Variants in PPIP5K1 observed in about 807,000 individuals in gnomAD.
PPIP5K1 encodes the protein diphosphoinositol pentakisphosphate kinase 1.
Under a neutral mutation model 27.7 loss-of-function variants are expected in PPIP5K1, and 6 were observed. The observed-to-expected ratio is 0.22, with a 90% CI of 0.12 to 0.43. The LOEUF (loss-of-function observed/expected upper bound fraction) is 0.43, where lower values mean the gene tolerates loss of function less well. Ranked by LOEUF, PPIP5K1 falls within the 20% of genes least tolerant of loss-of-function variation. PPIP5K1 has a pLI of 1.00. For synonymous variants in PPIP5K1, 145 were observed against 242.6 expected, an observed-to-expected ratio of 0.60 and a Z score of 3.74; for missense variants, 394 against 635.4, an observed-to-expected ratio of 0.62 and a Z score of 4.08.
chr15:43,539,334 T>C (rs1009490167), intron 31 of PPIP5K1, 136 bp downstream of exon 31: 1 of 686,596 alleles, frequency 1.5e-6, no homozygotes, highest in African/African-American at 1.8e-5. Flanking sequence ...AAATGGCAGA[T>C]GAGACTGCTT....
intron 29 of PPIP5K1, among the ~76,000 whole-genome samples, chr15:43,559,248 T>G (rs2083461202): frequency 6.6e-6 from 1 of 152,194 alleles, no homozygotes; most frequent in African/African-American, 2.4e-5. Context: ...CCAACGTTGT[T>G]CTCACACTTT....
chr15:43,543,870 A>G (rs571503732), intron 30 of PPIP5K1, among the ~76,000 whole-genome samples: 1 of 151,754 alleles, frequency 6.6e-6, no homozygotes, highest in Non-Finnish European at 1.5e-5. Flanking sequence ...CAATATCACT[A>G]TTAACAATTA....
chr15:43,541,445 G>T (rs192945629), intron 30 of PPIP5K1, among the ~76,000 whole-genome samples: 1 of 152,038 alleles, frequency 6.6e-6, no homozygotes. Context: ...GGTCAGGCAC[G>T]GTGGCTCATG....
intron 31 of PPIP5K1, among the ~76,000 whole-genome samples, chr15:43,539,240 T>G (rs2080344135): frequency 6.6e-6 from 1 of 151,948 alleles, no homozygotes; most frequent in Non-Finnish European, 1.5e-5. Flanking sequence ...CAGAAAACCT[T>G]CTCTCCAATG....
intron 30 of PPIP5K1, among the ~76,000 whole-genome samples, chr15:43,554,774 ATT>A (rs941693703): frequency 6.6e-6 from 1 of 152,082 alleles, no homozygotes; most frequent in African/African-American, 2.4e-5. Flanking sequence ...TAGACTTTTC[ATT>A]TGTTTATAAT....
chr15:43,559,216 C>T, intron 29 of PPIP5K1, among the ~76,000 whole-genome samples: 1 of 152,152 alleles, frequency 6.6e-6, no homozygotes, highest in Admixed American at 6.5e-5. Flanking sequence ...GAAAAATAAA[C>T]AGAATCCCAG....
Position 43,540,344 on chromosome 15 carries a change from A to G in PPIP5K1, c.3557-761T>C, listed in dbSNP as rs112038626. On this transcript the variant is annotated intron_variant, in intron 30 of 31. Transcript: ENST00000420765. ...TTTGGGAGGCCAAGGTGGGTGGATC[A>G]CTTGAGGCCAGAAGCTCAAGACAAG... 6.5e-3 allele frequency among the ~76,000 whole-genome samples: 982 copies of G among 152,070 alleles called. 9 individuals carry two copies. The highest frequency in any genetic ancestry group is 0.022 in the African/African-American group (932 of 41,472).
At chr15:43,538,523 C>A (rs897562154) in intron 31 of PPIP5K1, among the ~76,000 whole-genome samples, 13 of 152,198 alleles carry the variant, frequency 8.5e-5, no homozygotes, top group Non-Finnish European at 2.9e-5. Context: ...CTGCTCCCAG[C>A]CTTTTTTGTT....
In PPIP5K1 at chr15:43,534,600, C is replaced by A. The variant is rs528530849; in HGVS notation, c.*74G>T. On this transcript the variant is annotated 3_prime_UTR_variant, in exon 32 of 32. Coordinates refer to ENST00000420765, the MANE Select transcript of PPIP5K1 (RefSeq NM_001394395.1). ...AGACTGGCTCTGAGGGTTTGGATCA[C>A]CAGATGGATGCTGGGCTTGAGGAAT... 127 of 1,356,472 alleles carry A rather than the reference C, an allele frequency of 9.4e-5. No individual in the cohort carries two copies. In the East Asian group the frequency reaches 2.9e-3, roughly 32 times the overall value. 84.0% of individuals were successfully genotyped at this position (1,356,472 alleles called of 1,614,324 possible).
rs1166181200 is a variant in PPIP5K1, at chr15:43,534,710, A to C, written c.4437T>G (p.Asp1479Glu). The stretch of plus-strand genomic sequence containing the variant: ...CCTCAGGGACCTCCTGGGCCTGCAG[A>C]TCAATCTCCTCAGGGAACTCTTGGG... Reference protein sequence around the residue: ...KPSQEFPEEIDLQAQEVPEEI... With the variant: ...KPSQEFPEEIELQAQEVPEEI... The change falls in exon 32 of 32, where the codon GAT becomes GAG. Residue 1479 changes from aspartate to glutamate, a missense_variant. Physicochemically the swap from Asp to Glu is conservative, Grantham distance 45. Around this residue, in one of 4 missense-constraint regions of PPIP5K1, gnomAD observed 379 missense variants for 423.9 expected, o/e 0.89. Coordinates refer to ENST00000420765, the MANE Select transcript of PPIP5K1 (RefSeq NM_001394395.1). The C allele has an allele frequency of 1.1e-5, 17 of 1,523,992 alleles. No individual in the cohort carries two copies. The highest frequency in any genetic ancestry group is 1.5e-5 in the Non-Finnish European group (17 of 1,139,784). 94.4% of individuals were successfully genotyped at this position (1,523,992 alleles called of 1,614,324 possible).
rs767730604 is a variant in PPIP5K1, at chr15:43,536,138, G to T, written c.3671-662C>A. ...AATAGGAAAGAAAATGGTTTACCTGGCTGGGTGCGGTGGCTCACGCCTGTA... is the reference window on the plus strand; with the variant it reads ...AATAGGAAAGAAAATGGTTTACCTGTCTGGGTGCGGTGGCTCACGCCTGTA... On this transcript the variant is annotated intron_variant, in intron 31 of 31. Transcript: ENST00000420765. 4 of 1,284,074 alleles carry T rather than the reference G, an allele frequency of 3.1e-6. No homozygotes were observed. In the South Asian group the frequency reaches 3.7e-5, roughly 12 times the overall value. The allele number at this position is 1,284,074 out of a possible 1,614,324, so 79.5% of individuals were successfully genotyped here.
At chr15:43,567,115 C>CA (rs1284775619) in intron 26 of PPIP5K1, among the ~76,000 whole-genome samples, 2 of 103,628 alleles carry the variant, frequency 1.9e-5, no homozygotes, top group Non-Finnish European at 3.4e-5. Flanking sequence ...ATTGTTGTTT[C>CA]GGGTTTTTTT....
chr15:43,553,615 G>A (rs2082522203), intron 30 of PPIP5K1, among the ~76,000 whole-genome samples: 2 of 150,164 alleles, frequency 1.3e-5, no homozygotes, highest in African/African-American at 4.9e-5. Context: ...TCCTCCCAAA[G>A]TGCTGGGATT....
intron 26 of PPIP5K1, among the ~76,000 whole-genome samples, chr15:43,567,403 C>T (rs1197084658): frequency 4.2e-4 from 1 of 2,400 alleles, no homozygotes; most frequent in Non-Finnish European, 8.5e-4. Context: ...TAGGCATGAG[C>T]CACTGCGCCT....
chr15:43,539,461 A>C lies in PPIP5K1; in HGVS notation c.3670+9T>G. 1 of 1,543,200 alleles carries C rather than the reference A, an allele frequency of 6.5e-7. No homozygotes were observed. On this transcript the variant is annotated intron_variant, in intron 31 of 31. Coordinates refer to ENST00000420765, the MANE Select transcript of PPIP5K1 (RefSeq NM_001394395.1). ...CTTTTGTCTAGGCAGTTCCAAAAGG[A>C]TTACTTACACCAAGGGGGCTTCTCA...
intron 30 of PPIP5K1, among the ~76,000 whole-genome samples, chr15:43,544,988 C>A (rs2081193896): frequency 1.3e-5 from 2 of 152,086 alleles, no homozygotes; most frequent in Non-Finnish European, 2.9e-5. Flanking sequence ...ACCATCCTGG[C>A]TAACACAGTG....
At chr15:43,545,146 C>G (rs1444217675) in intron 30 of PPIP5K1, among the ~76,000 whole-genome samples, 1 of 150,614 alleles carries the variant, frequency 6.6e-6, no homozygotes, top group Non-Finnish European at 1.5e-5. Context: ...CTACTGCACT[C>G]TAGCCTGGGC....
chr15:43,555,629 T>C (rs745336092), intron 30 of PPIP5K1, among the ~76,000 whole-genome samples: 3 of 146,798 alleles, frequency 2.0e-5, no homozygotes, highest in Non-Finnish European at 4.5e-5. Context: ...TTTTTAGAGA[T>C]GGAGTCTCGC....
At chr15:43,549,056 A>AAAAT (rs1567039538) in intron 30 of PPIP5K1, among the ~76,000 whole-genome samples, 28 of 54,254 alleles carry the variant, frequency 5.2e-4, no homozygotes, top group Non-Finnish European at 6.8e-4. Flanking sequence ...AAAAAAAAAA[A>AAAAT]ATATATATAT....
Sources: gnomAD v4.1 joint callset for allele counts (sites outside exome capture counted in the v4.1 genomes callset) on GRCh38, gnomAD v4.1.1 for gene constraint, gnomAD v4.1.1 regional missense constraint, MANE v1.5 for transcripts, NCBI Gene and HGNC (gene_info 2026-07-23, HGNC 2026-07-21) for gene names.